CD63: variants seen among roughly 807,000 people sequenced by gnomAD.
CD63 encodes the protein CD63 molecule.
CD63 carries 16 observed loss-of-function variants against 29.2 expected under a neutral mutation model. That is an observed-to-expected ratio of 0.55 (90% confidence interval 0.37 to 0.83). The LOEUF (loss-of-function observed/expected upper bound fraction) is 0.83. Ranked by LOEUF, CD63 falls within the 40% of genes least tolerant of loss-of-function variation. CD63 has a pLI of 0.00. For missense variants in CD63, 251 were observed against 297.3 expected (o/e 0.84, Z 1.15); for synonymous variants, 118 against 111.7 (o/e 1.06, Z -0.36).
At chr12:55,729,075 C>T (rs1877737779), upstream of CD63, 3 of 985,274 alleles carry the variant, frequency 3.0e-6, no homozygotes, top group Admixed American at 6.2e-5. Context: ...GCCACGGTCC[C>T]CTCCCCCGCC....
At chr12:55,725,670 G>T (rs1877232638) in intron 7 of CD63, 44 bp from the exon 8 acceptor site, 1 of 1,580,576 alleles carries the variant, frequency 6.3e-7, no homozygotes, top group Non-Finnish European at 8.7e-7. Context: ...AGTCAGAAGG[G>T]CTAGCTACCT....
chr12:55,724,220 G>A, downstream of CD63: 1 of 1,457,318 alleles, frequency 6.9e-7, no homozygotes, highest in Non-Finnish European at 9.5e-7. Flanking sequence ...CCCACACTGA[G>A]GAGGGGACTG....
rs1240057704 is a variant in CD63, at chr12:55,726,160, G to T, written c.528C>A (p.Gly176=). The change falls in exon 6 of 8, where the codon GGC becomes GGA. Residue 176 remains glycine (G), a synonymous_variant. Coordinates refer to ENST00000257857, the MANE Select transcript of CD63 (RefSeq NM_001780.6). ...CCTTCTCGTTGAAATTAATCCCACA[G>T]CCCACAGTAACATTAATGCAGCAGG... is the stretch of plus-strand genomic sequence containing the variant. ...PDSCCINVTV[G]CGINFNEKAI... is the part of the protein sequence containing the mutation. 1.2e-6 allele frequency: 2 copies of T among 1,613,714 alleles called. No homozygotes were observed. The highest frequency in any genetic ancestry group is 1.7e-6 in the Non-Finnish European group (2 of 1,179,968).
At chr12:55,725,658 G>C in intron 7 of CD63, 32 bp from the exon 8 acceptor site, 1 of 1,599,100 alleles carries the variant, frequency 6.3e-7, no homozygotes, top group Non-Finnish European at 8.6e-7. Context: ...GGGGTGGAGA[G>C]GAGTCAGAAG....
downstream of CD63, chr12:55,724,088 A>G (rs770198645): frequency 4.4e-6 from 7 of 1,596,044 alleles, no homozygotes; most frequent in South Asian, 5.5e-5. Context: ...ATGAAGGGAA[A>G]CAAGTACCAG....
chr12:55,725,782 G>T, intron 7 of CD63, 31 bp downstream of exon 7: 1 of 1,604,410 alleles, frequency 6.2e-7, no homozygotes. Context: ...CCTGGACAGA[G>T]TCCCAGCCCC....
chr12:55,724,553 C>T (rs1303685650), downstream of CD63: 3 of 1,607,644 alleles, frequency 1.9e-6, no homozygotes, highest in Non-Finnish European at 2.5e-6. Flanking sequence ...TGAATCCAGC[C>T]TTCCAGCAAG....
chr12:55,723,641 A>C, downstream of CD63: 1 of 514,688 alleles, frequency 1.9e-6, no homozygotes, highest in Non-Finnish European at 3.5e-6. Context: ...CCATGCTTAA[A>C]ATATTAACTC....
At position 55,728,648 on chromosome 12, in the gene CD63, G is replaced by A; in HGVS notation, c.-11-296C>T. ...CGACCCTCGGCCCGCCAGTCTCCGGGCGTCAAACACCCTTTCCCCACCCAA... is the reference window on the plus strand; with the variant it reads ...CGACCCTCGGCCCGCCAGTCTCCGGACGTCAAACACCCTTTCCCCACCCAA... On this transcript the variant is annotated intron_variant, in intron 1 of 7. Transcript: ENST00000257857. The surrounding 1 kb of genome is among the most constrained non-coding windows in gnomAD (Gnocchi z 4.8). The A allele has an allele frequency of 7.8e-7, 1 of 1,282,002 alleles. No homozygotes were observed. The allele number at this position is 1,282,002 out of a possible 1,614,324, so 79.4% of individuals were successfully genotyped here. A position where few individuals can be genotyped will look rare whatever the true frequency, so the allele number is the denominator to read the frequency against.
downstream of CD63, chr12:55,724,663 TTAAAAAA>T: frequency 1.0e-6 from 1 of 997,508 alleles, no homozygotes; most frequent in South Asian, 1.4e-5. Context: ...AGTGTATTGT[TTAAAAAA>T]TAAAAAGAAG....
intron 6 of CD63, 92 bp from the exon 7 acceptor site, chr12:55,725,988 G>A: frequency 1.4e-6 from 2 of 1,435,392 alleles, no homozygotes; most frequent in Non-Finnish European, 1.9e-6. Flanking sequence ...CCCTGCCCCT[G>A]TACCTTTCAC....
downstream of CD63, chr12:55,724,830 T>G: frequency 1.9e-6 from 1 of 519,324 alleles, no homozygotes; most frequent in Non-Finnish European, 3.5e-6. Context: ...CATCTACAGC[T>G]GCACGTCGGG....
chr12:55,727,644 TC>T (rs1877561533), intron 2 of CD63: 1 of 1,128,718 alleles, frequency 8.9e-7, no homozygotes, highest in Non-Finnish European at 1.1e-6. Flanking sequence ...CCTCCAGGGC[TC>T]CCAGCTCAAT....
Position 55,727,150 on chromosome 12 carries a change from C to G in CD63, c.255+1G>C, listed in dbSNP as rs111462959. ...CCATGTTGGTCCCGCCCCCAACTCACCGTGATCATAAGACAATAGTTCTCC... is the reference window on the plus strand; with the variant it reads ...CCATGTTGGTCCCGCCCCCAACTCAGCGTGATCATAAGACAATAGTTCTCC... On this transcript the variant is annotated splice_donor_variant, in intron 3 of 7. Coordinates refer to ENST00000257857, the MANE Select transcript of CD63 (RefSeq NM_001780.6). LOFTEE classifies it high-confidence loss of function. 1 of 1,612,316 alleles carries G rather than the reference C, an allele frequency of 6.2e-7. No homozygotes were observed. The highest frequency in any genetic ancestry group is 8.5e-7 in the Non-Finnish European group (1 of 1,178,988).
upstream of CD63, chr12:55,729,215 C>G (rs1197840649): frequency 2.5e-5 from 22 of 889,562 alleles, no homozygotes; most frequent in Non-Finnish European, 3.0e-5. Context: ...AAGGCGCCCA[C>G]CCCCGCAAAG....
intron 5 of CD63, 148 bp from the exon 6 acceptor site, chr12:55,726,409 A>G (rs1396029671): frequency 1.3e-6 from 1 of 760,396 alleles, no homozygotes; most frequent in African/African-American, 1.9e-5. Flanking sequence ...CGGTGGCTCA[A>G]TCTCGGCTCA....
downstream of CD63, chr12:55,724,027 T>C (rs199865350): frequency 1.2e-6 from 2 of 1,611,654 alleles, no homozygotes; most frequent in Non-Finnish European, 1.7e-6. Context: ...AGGCCCACTA[T>C]GGGGGGGCCT....
Position 55,728,393 on chromosome 12 carries a change from A to AG in CD63, c.-11-42dup, listed in dbSNP as rs1394538630. ...GGGCGGGGGGATTAAAACTGGCCGA[A>AG]GGGGGACCTCGGTTTCCGGGCTCCC... On this transcript the variant is annotated intron_variant, in intron 1 of 7. Transcript: ENST00000257857. The surrounding 1 kb of genome is among the most constrained non-coding windows in gnomAD (Gnocchi z 4.8). The AG allele has an allele frequency of 7.6e-6, 12 of 1,579,372 alleles. No homozygotes were observed. The East Asian group carries it at 1.1e-4, about 15-fold the overall frequency.
In CD63 at chr12:55,726,989, A is replaced by C. The variant is rs1877463747; in HGVS notation, c.256-25T>G. On this transcript the variant is annotated intron_variant, in intron 3 of 7. Coordinates refer to ENST00000257857, the MANE Select transcript of CD63 (RefSeq NM_001780.6). ...ACTGCAGGAGCAAAGGACAGAAGTC[A>C]AGTTTGGAGTCTATGCATTACAGGG... is the stretch of plus-strand genomic sequence containing the variant. 3 of 1,611,896 alleles carry C rather than the reference A, an allele frequency of 1.9e-6. No homozygotes were observed. In the Admixed American group the frequency reaches 5.0e-5, roughly 27 times the overall value.
Sources: gnomAD v4.1 joint callset for allele counts on GRCh38, gnomAD v4.1.1 for gene constraint, Gnocchi (gnomAD v3.1) non-coding constraint, MANE v1.5 for transcripts, NCBI Gene and HGNC (gene_info 2026-07-23, HGNC 2026-07-21) for gene names.